CYFIP2: variants seen among roughly 807,000 people sequenced by gnomAD.
CYFIP2 encodes cytoplasmic FMR1-interacting protein 2.
A neutral mutation model predicts 158.7 loss-of-function variants in CYFIP2; 29 were observed. The ratio of observed to expected loss-of-function variants is 0.18; its 90% CI spans 0.14 to 0.25. CYFIP2 has a LOEUF of 0.25. CYFIP2 is among the 10% of genes least tolerant of loss of function. The probability of loss-of-function intolerance (pLI) is 1.00; values close to 1 mark genes in which losing one functional copy is unlikely to be tolerated. For synonymous variants in CYFIP2, 585 were observed against 617.6 expected, an observed-to-expected ratio of 0.95 and a Z score of 0.78; for missense variants, 852 against 1,639.5, an observed-to-expected ratio of 0.52 and a Z score of 8.29.
At chr5:157,301,953 C>T (rs1171470307) in intron 6 of CYFIP2, among the ~76,000 whole-genome samples, 1 of 152,062 alleles carries the variant, frequency 6.6e-6, no homozygotes, top group South Asian at 2.1e-4. Flanking sequence ...ACAAGTTTAC[C>T]CTCCTAAGTC....
In CYFIP2 at chr5:157,311,461, A is replaced by C; in HGVS notation, c.993-203A>C. The C allele has an allele frequency of 1.7e-6, 1 of 582,374 alleles. No individual in the cohort carries two copies. Among genetic ancestry groups the C allele is most frequent in the Admixed American group, 3.1e-5 (1 of 32,548 alleles). The allele number at this position is 582,374 out of a possible 1,614,324, so 36.1% of individuals were successfully genotyped here. On this transcript the variant is annotated intron_variant, in intron 10 of 30. Coordinates refer to ENST00000620254, the MANE Select transcript of CYFIP2 (RefSeq NM_001037333.3). The surrounding 1 kb of genome is among the most constrained non-coding windows in gnomAD (Gnocchi z 4.7). ...ATCCTAGATGAGGCTGGCACCAAAG[A>C]GGAGGAGGAAGGACTGTTCCATTAG...
chr5:157,323,326 TG>T (rs920282378), intron 15 of CYFIP2, among the ~76,000 whole-genome samples: 1 of 152,140 alleles, frequency 6.6e-6, no homozygotes, highest in Non-Finnish European at 1.5e-5. Context: ...CGCTCAGCCA[TG>T]GGGTCAAAAC....
intron 1 of CYFIP2, among the ~76,000 whole-genome samples, chr5:157,268,462 T>C (rs560527611): frequency 6.6e-6 from 1 of 152,306 alleles, no homozygotes; most frequent in South Asian, 2.1e-4. Context: ...TCTCTGATGT[T>C]CAGTGGCCTC....
intron 23 of CYFIP2, among the ~76,000 whole-genome samples, chr5:157,356,588 C>T (rs904523294): frequency 2.0e-5 from 3 of 152,102 alleles, no homozygotes; most frequent in African/African-American, 7.2e-5. Flanking sequence ...TGCCCCTTTC[C>T]AGTTAGTCTC....
chr5:157,307,762 T>C lies in CYFIP2; in HGVS notation c.797T>C (p.Val266Ala). The C allele has an allele frequency of 6.3e-7, 1 of 1,598,252 alleles. No homozygotes were observed. The highest frequency in any genetic ancestry group is 8.6e-7 in the Non-Finnish European group (1 of 1,167,754). The part of the protein sequence containing the change: ...TPSEKHMLLK[V>A]MGFGLYLMDG... ...TGCTCTGCCCTCTTCTCATTCTAGG[T>C]GATGGGCTTTGGCCTCTACCTAATG... is the stretch of plus-strand genomic sequence containing the variant. The change falls in exon 9 of 31, where the codon GTG becomes GCG. Residue 266 changes from valine to alanine, a missense_variant and splice_region_variant. This residue lies in a region of CYFIP2 where 133 missense variants were observed against 197.1 expected (regional missense o/e 0.67). Transcript: ENST00000620254.
intron 23 of CYFIP2, among the ~76,000 whole-genome samples, chr5:157,349,239 C>G (rs2113299125): frequency 6.6e-6 from 1 of 152,244 alleles, no homozygotes; most frequent in East Asian, 1.9e-4. Context: ...GCAGTATACG[C>G]TATGCCCAAT....
At chr5:157,301,056 G>A (rs1459316804) in intron 6 of CYFIP2, among the ~76,000 whole-genome samples, 160 bp downstream of exon 6, 2 of 152,144 alleles carry the variant, frequency 1.3e-5, no homozygotes, top group African/African-American at 4.8e-5. Context: ...GTTTCAGTGT[G>A]GTTTGAGGAA....
chr5:157,371,802 A>C (rs1309892766), intron 26 of CYFIP2, among the ~76,000 whole-genome samples: 1 of 152,246 alleles, frequency 6.6e-6, no homozygotes, highest in Non-Finnish European at 1.5e-5. Context: ...AGTTCCTTAC[A>C]GTAAAATATT....
At chr5:157,310,439 G>A (rs1168742004) in intron 10 of CYFIP2, among the ~76,000 whole-genome samples, 4 of 152,150 alleles carry the variant, frequency 2.6e-5, no homozygotes, top group Non-Finnish European at 5.9e-5. Context: ...GGAACCAGCC[G>A]TCCTTTAGTC....
intron 15 of CYFIP2, among the ~76,000 whole-genome samples, chr5:157,322,466 G>A (rs1474742381): frequency 1.3e-5 from 2 of 152,250 alleles, no homozygotes; most frequent in Admixed American, 6.5e-5. Context: ...GAGAATTAGA[G>A]TTGGATATCA....
intron 28 of CYFIP2, among the ~76,000 whole-genome samples, chr5:157,383,844 C>G (rs759598284): frequency 6.6e-6 from 1 of 152,166 alleles, no homozygotes; most frequent in Non-Finnish European, 1.5e-5. Flanking sequence ...TTGCATATCA[C>G]GTATGTACTT....
At chr5:157,303,147 C>T (rs1049126752) in intron 7 of CYFIP2, 5 of 394,404 alleles carry the variant, frequency 1.3e-5, no homozygotes, top group South Asian at 4.3e-5. Context: ...GGGTTGAGAA[C>T]GTGGGGTCTG....
chr5:157,368,216 GTC>G (rs1355789289), intron 26 of CYFIP2, among the ~76,000 whole-genome samples: 11 of 152,190 alleles, frequency 7.2e-5, no homozygotes, highest in African/African-American at 2.7e-4. Flanking sequence ...CGGGAGAAGT[GTC>G]TCTCACTTTT....
At chr5:157,287,788 A>T (rs1381271737) in intron 3 of CYFIP2, among the ~76,000 whole-genome samples, 1 of 152,162 alleles carries the variant, frequency 6.6e-6, no homozygotes, top group Non-Finnish European at 1.5e-5. Context: ...CAGACTGGAT[A>T]ATTTATAATA....
Position 157,304,384 on chromosome 5 carries a change from C to T in CYFIP2, c.795+18C>T. Reference sequence around the variant, plus strand: ...TCCTCAAGGTAAAACTCCCCTGAGGCCGCACCCATGGAGCCTGGGCTTACC... The same window carrying T: ...TCCTCAAGGTAAAACTCCCCTGAGGTCGCACCCATGGAGCCTGGGCTTACC... On this transcript the variant is annotated intron_variant, in intron 8 of 30. Coordinates refer to ENST00000620254, the MANE Select transcript of CYFIP2 (RefSeq NM_001037333.3). 1 of 1,610,392 alleles carries T rather than the reference C, an allele frequency of 6.2e-7. No individual in the cohort carries two copies. Among genetic ancestry groups the T allele is most frequent in the Non-Finnish European group, 8.5e-7 (1 of 1,177,382 alleles).
chr5:157,390,393 G>A (rs927744839), intron 29 of CYFIP2, 128 bp from the exon 30 acceptor site: 9 of 833,964 alleles, frequency 1.1e-5, no homozygotes, highest in Non-Finnish European at 1.7e-5. Context: ...CCATTTTATA[G>A]GTTAAGAGAC....
intron 1 of CYFIP2, among the ~76,000 whole-genome samples, chr5:157,280,727 G>C (rs1318138134): frequency 6.6e-6 from 1 of 151,754 alleles, no homozygotes; most frequent in Non-Finnish European, 1.5e-5. Flanking sequence ...AACTCACTGC[G>C]AATTTGTTTC....
At chr5:157,371,724 A>G (rs571416327) in intron 26 of CYFIP2, among the ~76,000 whole-genome samples, 1 of 152,318 alleles carries the variant, frequency 6.6e-6, no homozygotes, top group South Asian at 2.1e-4. Flanking sequence ...CTATAATATG[A>G]AAAGAAAATT....
chr5:157,296,615 A>G, intron 4 of CYFIP2, 58 bp from the exon 5 acceptor site: 1 of 1,513,718 alleles, frequency 6.6e-7, no homozygotes, highest in Admixed American at 1.7e-5. Context: ...AAAACAAAAA[A>G]CAGTAATAAG....
Sources: gnomAD v4.1 joint callset for allele counts (sites outside exome capture counted in the v4.1 genomes callset) on GRCh38, gnomAD v4.1.1 for gene constraint, gnomAD v4.1.1 regional missense constraint, Gnocchi (gnomAD v3.1) non-coding constraint, MANE v1.5 for transcripts, NCBI Gene and HGNC (gene_info 2026-07-23, HGNC 2026-07-21) for gene names.